The following CNBD1 variants were observed in gnomAD, a reference collection of about 807,000 sequenced individuals.
The protein encoded by CNBD1 is cyclic nucleotide binding domain containing 1, also known as cyclic nucleotide-binding domain-containing protein 1.
Under a neutral mutation model 54.4 loss-of-function variants are expected in CNBD1, and 71 were observed. The observed-to-expected ratio is 1.30, with a 90% confidence interval of 1.08 to 1.59. The LOEUF (loss-of-function observed/expected upper bound fraction) is 1.59. CNBD1 is among the 40% of genes most tolerant of loss of function. The pLI is 0.00. For missense variants in CNBD1, 659 were observed against 518.0 expected (o/e 1.27, Z -2.64); for synonymous variants, 182 against 170.7 (o/e 1.07, Z -0.51).
chr8:86,934,340 T>C (rs1653753156), intron 3 of CNBD1, among the ~76,000 whole-genome samples: 1 of 152,216 alleles, frequency 6.6e-6, no homozygotes, highest in African/African-American at 2.4e-5. Context: ...GACAGAAGTA[T>C]GGCTGATTTT....
chr8:86,986,417 T>C (rs2130518531), intron 4 of CNBD1, among the ~76,000 whole-genome samples: 1 of 152,302 alleles, frequency 6.6e-6, no homozygotes, highest in African/African-American at 2.4e-5. Flanking sequence ...ATATTAGAAC[T>C]TTGATGGATG....
chr8:87,016,298 TTAAAA>T (rs1809354978), intron 4 of CNBD1, among the ~76,000 whole-genome samples: 1 of 151,796 alleles, frequency 6.6e-6, no homozygotes, highest in Non-Finnish European at 1.5e-5. Flanking sequence ...TACTAAAAAG[TTAAAA>T]TAATAAAAGC....
chr8:86,895,956 T>C (rs1808841788), intron 2 of CNBD1, among the ~76,000 whole-genome samples: 1 of 152,154 alleles, frequency 6.6e-6, no homozygotes, highest in African/African-American at 2.4e-5. Flanking sequence ...AATTGTGTTG[T>C]TTGGTTTTCT....
chr8:87,066,376 A>G (rs1009189233), intron 4 of CNBD1, among the ~76,000 whole-genome samples: 1 of 151,960 alleles, frequency 6.6e-6, no homozygotes, highest in Non-Finnish European at 1.5e-5. Flanking sequence ...TCTTAAATCC[A>G]TGGACCAGGA....
intron 4 of CNBD1, among the ~76,000 whole-genome samples, chr8:86,952,445 A>G (rs1404456): frequency 0.48 from 72,998 of 151,798 alleles, 18,917 homozygotes; most frequent in East Asian, 0.58. Context: ...ATATTACAGT[A>G]TAGACATAGT....
chr8:87,134,594 CTTTTTTT>C (rs1167232265), intron 4 of CNBD1, among the ~76,000 whole-genome samples: 1 of 86,988 alleles, frequency 1.1e-5, no homozygotes, highest in Non-Finnish European at 2.4e-5. Flanking sequence ...ATTAGATTAC[CTTTTTTT>C]TTTTTTTTTT....
chr8:87,140,630 T>C (rs992696273), intron 4 of CNBD1, among the ~76,000 whole-genome samples: 1 of 152,198 alleles, frequency 6.6e-6, no homozygotes, highest in Non-Finnish European at 1.5e-5. Context: ...ATTGAATTTT[T>C]ATCTAGAGAA....
At chr8:87,391,420 G>T (rs1811307103) in intron 2 of CNBD1, among the ~76,000 whole-genome samples, 2 of 152,172 alleles carry the variant, frequency 1.3e-5, no homozygotes, top group East Asian at 1.9e-4. Flanking sequence ...AATCCTGAAA[G>T]AGAACAAAGC....
intron 6 of CNBD1, among the ~76,000 whole-genome samples, chr8:87,272,706 C>T (rs1001163454): frequency 2.0e-5 from 3 of 151,738 alleles, no homozygotes; most frequent in African/African-American, 7.3e-5. Context: ...ATCCATTAAG[C>T]CAAAGGGTTT....
chr8:86,926,136 A>T (rs1219561483), intron 3 of CNBD1, among the ~76,000 whole-genome samples: 1 of 152,090 alleles, frequency 6.6e-6, no homozygotes, highest in Admixed American at 6.6e-5. Flanking sequence ...GGTGCATTTT[A>T]CAATCCTCTC....
intron 4 of CNBD1, among the ~76,000 whole-genome samples, chr8:87,131,834 C>T (rs995022079): frequency 6.6e-6 from 1 of 151,914 alleles, no homozygotes; most frequent in Admixed American, 6.6e-5. Context: ...CTCTATAAGA[C>T]CTGAGATTTC....
intron 2 of CNBD1, among the ~76,000 whole-genome samples, chr8:87,423,918 G>A (rs1807992750): frequency 6.6e-6 from 1 of 152,142 alleles, no homozygotes; most frequent in Non-Finnish European, 1.5e-5. Flanking sequence ...GACTCTTTTT[G>A]GTTGGTAAGC....
At chr8:86,914,153 T>A (rs1279979242) in intron 3 of CNBD1, among the ~76,000 whole-genome samples, 3 of 152,188 alleles carry the variant, frequency 2.0e-5, no homozygotes, top group Non-Finnish European at 4.4e-5. Flanking sequence ...GTTAACGCAA[T>A]CATCACAGGG....
intron 4 of CNBD1, among the ~76,000 whole-genome samples, chr8:86,949,533 G>GT (rs1807552395): frequency 6.6e-6 from 1 of 151,800 alleles, no homozygotes; most frequent in South Asian, 2.1e-4. Context: ...TTTTTGATTT[G>GT]TTTTTCAAAT....
intron 10 of CNBD1, among the ~76,000 whole-genome samples, chr8:87,356,081 C>A (rs752383375): frequency 7.0e-6 from 1 of 142,396 alleles, no homozygotes; most frequent in African/African-American, 2.6e-5. Context: ...AGAAGCCAAG[C>A]AGATGTTGTT....
intron 2 of CNBD1, among the ~76,000 whole-genome samples, chr8:87,388,308 T>G (rs1031574050): frequency 2.6e-5 from 4 of 151,944 alleles, no homozygotes; most frequent in Admixed American, 6.6e-5. Context: ...AATCAATGAA[T>G]CCAGGAGCTG....
intron 10 of CNBD1, 65 bp downstream of exon 10, chr8:87,353,851 AT>A (rs1165611067): frequency 1.0e-5 from 13 of 1,290,828 alleles, no homozygotes; most frequent in African/African-American, 3.0e-5. Flanking sequence ...AATTTTTTAA[AT>A]TTTTTTCCTT....
At chr8:87,280,139 T>A (rs1215470667) in intron 6 of CNBD1, among the ~76,000 whole-genome samples, 1 of 151,572 alleles carries the variant, frequency 6.6e-6, no homozygotes, top group Non-Finnish European at 1.5e-5. Flanking sequence ...AACTTTACCT[T>A]CCAGATATCA....
intron 4 of CNBD1, among the ~76,000 whole-genome samples, chr8:87,184,280 G>A (rs1397820933): frequency 2.0e-5 from 3 of 152,212 alleles, no homozygotes; most frequent in Non-Finnish European, 4.4e-5. Context: ...CTGAGGCTGG[G>A]TGGCAAATGG....
Sources: gnomAD v4.1 joint callset for allele counts (sites outside exome capture counted in the v4.1 genomes callset) on GRCh38, gnomAD v4.1.1 for gene constraint, MANE v1.5 for transcripts, NCBI Gene and HGNC (gene_info 2026-07-23, HGNC 2026-07-21) for gene names.